Variants in ODAD4 observed in about 807,000 individuals in gnomAD.
ODAD4 encodes the protein outer dynein arm-docking complex subunit 4.
ODAD4 carries 49 observed loss-of-function variants against 51.8 expected under a neutral mutation model. The ratio of observed to expected loss-of-function variants is 0.95; its 90% CI spans 0.75 to 1.20. The LOEUF is 1.20. Among genes scored for constraint, ODAD4 ranks in the 50% most tolerant of loss-of-function variants. The pLI, the probability that ODAD4 is intolerant of heterozygous loss-of-function variation, is 0.00. For synonymous variants in ODAD4, 235 were observed against 221.3 expected, an observed-to-expected ratio of 1.06 and a Z score of -0.55; for missense variants, 590 against 586.5, an observed-to-expected ratio of 1.01 and a Z score of -0.06.
At position 41,960,379 on chromosome 17, in the gene ODAD4, C is replaced by T. The variant is rs544389729; in HGVS notation, c.1444-1003C>T. 5.3e-5 allele frequency among the ~76,000 whole-genome samples: 8 copies of T among 151,886 alleles called. No homozygotes were observed. The South Asian group carries it at 1.7e-3, about 32-fold the overall frequency. ...AGGAGAATGGCGTGAACCCAGGAGGCGGAGCTTGCAGTGAGCTGAGATCGT... is the reference window on the plus strand; with the variant it reads ...AGGAGAATGGCGTGAACCCAGGAGGTGGAGCTTGCAGTGAGCTGAGATCGT... On this transcript the variant is annotated intron_variant, in intron 10 of 11. Transcript: ENST00000377540.
intron 7 of ODAD4, among the ~76,000 whole-genome samples, chr17:41,941,751 A>G (rs2050509259): frequency 7.1e-6 from 1 of 140,472 alleles, no homozygotes; most frequent in Admixed American, 7.6e-5. Context: ...TGGGCGACAG[A>G]GCGAGACTCC....
At chr17:41,945,037 T>A in intron 7 of ODAD4, 99 bp from the exon 8 acceptor site, 1 of 931,978 alleles carries the variant, frequency 1.1e-6, no homozygotes, top group Non-Finnish European at 1.7e-6. Context: ...ACCCTGAGTT[T>A]CTGAGGCCAG....
At chr17:41,963,734 TC>T (rs1460335871) in intron 11 of ODAD4, among the ~76,000 whole-genome samples, 1 of 150,626 alleles carries the variant, frequency 6.6e-6, no homozygotes, top group Non-Finnish European at 1.5e-5. Context: ...CATCTCAGCC[TC>T]CCAAAGTGCT....
intron 11 of ODAD4, among the ~76,000 whole-genome samples, chr17:41,963,696 TG>T (rs1392074496): frequency 1.3e-5 from 2 of 151,676 alleles, no homozygotes; most frequent in South Asian, 2.1e-4. Flanking sequence ...TGGAATGCAG[TG>T]GTGCAATCTC....
chr17:41,959,681 G>A (rs1390498290), intron 10 of ODAD4, among the ~76,000 whole-genome samples: 3 of 152,224 alleles, frequency 2.0e-5, no homozygotes, highest in Non-Finnish European at 4.4e-5. Context: ...GGGTCCCAGA[G>A]CTGGGGGGTT....
At position 41,965,716 on chromosome 17, in the gene ODAD4, G is replaced by C. The variant is rs2050874746; in HGVS notation, c.*233G>C. On this transcript the variant is annotated 3_prime_UTR_variant, in exon 12 of 12. Transcript: ENST00000377540. ...CTTGGAAGAGCATCGTGGAAGAAAT[G>C]AGAAAGGTGCCAAGAAGAAAGGGTT... is the stretch of plus-strand genomic sequence containing the variant. 2.1e-6 allele frequency: 1 copy of C among 478,224 alleles called. No homozygotes were observed. Among genetic ancestry groups the C allele is most frequent in the African/African-American group, 2.0e-5 (1 of 50,334 alleles). The allele number at this position is 478,224 out of a possible 1,614,324, so 29.6% of individuals were successfully genotyped here.
intron 7 of ODAD4, among the ~76,000 whole-genome samples, chr17:41,942,128 G>T (rs1279999453): frequency 6.6e-6 from 1 of 152,130 alleles, no homozygotes; most frequent in Non-Finnish European, 1.5e-5. Flanking sequence ...TAGAGATGGG[G>T]TTTCACCATG....
Position 41,938,829 on chromosome 17 carries a change from C to T in ODAD4, c.850+48C>T, listed in dbSNP as rs955310523. 5 of 1,596,486 alleles carry T rather than the reference C, an allele frequency of 3.1e-6. No individual in the cohort carries two copies. The East Asian group carries it at 1.1e-4, about 36-fold the overall frequency. On this transcript the variant is annotated intron_variant, in intron 6 of 11. Transcript: ENST00000377540. ...GGGGCAGGTGCCTCCAGTGCCTTAT[C>T]AGGTGGGGAAGGAGCAACCAGGTGT...
intron 9 of ODAD4, 46 bp from the exon 10 acceptor site, chr17:41,955,171 G>T (rs781991510): frequency 1.3e-6 from 1 of 750,058 alleles, no homozygotes; most frequent in Non-Finnish European, 2.5e-6. Flanking sequence ...TGCACCACAC[G>T]TTGTCACACT....
At chr17:41,935,066 T>C (rs1259866969) in intron 1 of ODAD4, 151 bp from the exon 2 acceptor site, 1 of 877,510 alleles carries the variant, frequency 1.1e-6, no homozygotes, top group Non-Finnish European at 1.7e-6. Flanking sequence ...GCCTGTGTGC[T>C]GGCCTGAAGA....
chr17:41,959,361 G>A (rs2050774757), intron 10 of ODAD4, among the ~76,000 whole-genome samples: 1 of 152,246 alleles, frequency 6.6e-6, no homozygotes, highest in Non-Finnish European at 1.5e-5. Flanking sequence ...GTATCTGCTG[G>A]AGTGAAGTAA....
At chr17:41,947,211 C>T (rs1293635764) in intron 8 of ODAD4, among the ~76,000 whole-genome samples, 19 of 151,002 alleles carry the variant, frequency 1.3e-4, no homozygotes, top group African/African-American at 4.4e-4. Flanking sequence ...CGGTGGCTCA[C>T]GCCTGTAATC....
At chr17:41,953,653 T>TTATA (rs139916074) in intron 9 of ODAD4, among the ~76,000 whole-genome samples, 3,418 of 148,750 alleles carry the variant, frequency 0.023, 57 homozygotes, top group South Asian at 0.046. Context: ...ATTAATTTAA[T>TTATA]TATATATATA....
intron 11 of ODAD4, 90 bp downstream of exon 11, chr17:41,961,556 C>T (rs1555641741): frequency 1.4e-6 from 1 of 694,776 alleles, no homozygotes; most frequent in African/African-American, 1.8e-5. Context: ...CAGCAGCTCC[C>T]CAATCTGGGG....
chr17:41,951,274 G>A (rs926051309), intron 9 of ODAD4, among the ~76,000 whole-genome samples: 6 of 151,146 alleles, frequency 4.0e-5, no homozygotes, highest in South Asian at 2.1e-4. Context: ...TAGTAGAGAC[G>A]GGATTTCACC....
intron 10 of ODAD4, among the ~76,000 whole-genome samples, chr17:41,957,566 G>T (rs1304906283): frequency 6.6e-6 from 1 of 152,166 alleles, no homozygotes; most frequent in Non-Finnish European, 1.5e-5. Context: ...ACCTCCAGGA[G>T]ACAAGAAATC....
At chr17:41,962,588 C>G (rs2050820553) in intron 11 of ODAD4, among the ~76,000 whole-genome samples, 1 of 152,216 alleles carries the variant, frequency 6.6e-6, no homozygotes, top group African/African-American at 2.4e-5. Context: ...CTATCTGTAT[C>G]TGTTCAGGAA....
chr17:41,946,335 GTTTGT>G (rs1373899853), intron 8 of ODAD4, among the ~76,000 whole-genome samples: 12 of 152,066 alleles, frequency 7.9e-5, no homozygotes, highest in African/African-American at 2.9e-4. Flanking sequence ...TTGTTTGTTT[GTTTGT>G]TTTGAGACGG....
chr17:41,938,739 A>G lies in ODAD4; in HGVS notation c.808A>G (p.Thr270Ala). The G allele has an allele frequency of 6.2e-7, 1 of 1,613,678 alleles. No individual in the cohort carries two copies. The highest frequency in any genetic ancestry group is 8.5e-7 in the Non-Finnish European group (1 of 1,179,906). Reference protein sequence around the residue: ...LRDHKRRPSQTAHYILKSLED... With the variant: ...LRDHKRRPSQAAHYILKSLED... Reference sequence around the variant, plus strand: ...GGACCACAAACGCCGTCCCTCACAGACAGCCCATTACATCCTCAAGAGCCT... The same window carrying G: ...GGACCACAAACGCCGTCCCTCACAGGCAGCCCATTACATCCTCAAGAGCCT... Residue 270 changes from threonine (T) to alanine (A), a missense_variant, in exon 6 of 12, where the codon ACA becomes GCA. Coordinates refer to ENST00000377540, the MANE Select transcript of ODAD4 (RefSeq NM_031421.5).
Sources: gnomAD v4.1 joint callset for allele counts (sites outside exome capture counted in the v4.1 genomes callset) on GRCh38, gnomAD v4.1.1 for gene constraint, MANE v1.5 for transcripts, NCBI Gene and HGNC (gene_info 2026-07-23, HGNC 2026-07-21) for gene names.